RYR3: variants seen among roughly 807,000 people sequenced by gnomAD.
RYR3 encodes brain ryanodine receptor-calcium release channel.
Under a neutral mutation model 584.3 loss-of-function variants are expected in RYR3, and 207 were observed. That is an observed-to-expected ratio of 0.35 (90% CI 0.32 to 0.40). RYR3 has a LOEUF of 0.40. Among genes scored for constraint, RYR3 ranks in the 10% least tolerant of loss-of-function variants. The pLI is 1.00. For missense variants in RYR3, 5,616 were observed against 6,089.2 expected (o/e 0.92, Z 2.59); for synonymous variants, 2,416 against 2,248.5 (o/e 1.07, Z -2.11).
intron 1 of RYR3, among the ~76,000 whole-genome samples, chr15:33,421,483 A>G (rs113892155): frequency 0.01 from 1,524 of 152,260 alleles, 24 homozygotes; most frequent in African/African-American, 0.035. Flanking sequence ...CTTGGTGAGA[A>G]TCGGATGTGG....
intron 26 of RYR3, 92 bp downstream of exon 26, chr15:33,635,911 C>A: frequency 1.8e-6 from 2 of 1,118,110 alleles, no homozygotes; most frequent in South Asian, 1.4e-5. Flanking sequence ...GGATCTCTGG[C>A]TTCAAAGTGA....
Position 33,738,509 on chromosome 15 carries a change from G to T in RYR3, c.7575G>T (p.Gly2525=). 1 of 1,613,952 alleles carries T rather than the reference G, an allele frequency of 6.2e-7. No individual in the cohort carries two copies. The highest frequency in any genetic ancestry group is 8.5e-7 in the Non-Finnish European group (1 of 1,179,864). ...ATTACTGCCTGCCTTCAGGATGGGG[G>T]AGCTACGGGCTAGCTGTGGAAGAAG... ...WKYYCLPSGW[G]SYGLAVEEEL... Residue 2525 remains glycine, a synonymous_variant, in exon 50 of 104, where the codon GGG becomes GGT. Transcript: ENST00000634891.
chr15:33,749,841 GA>G, intron 55 of RYR3, 137 bp from the exon 56 acceptor site: 1 of 668,342 alleles, frequency 1.5e-6, no homozygotes, highest in Non-Finnish European at 2.6e-6. Flanking sequence ...ACTAATTAAT[GA>G]TGGGAAGCCC....
intron 85 of RYR3, among the ~76,000 whole-genome samples, chr15:33,828,972 C>A (rs531484383): frequency 5.9e-5 from 9 of 152,318 alleles, no homozygotes; most frequent in African/African-American, 2.2e-4. Flanking sequence ...GGCTGACTTT[C>A]TTATTAGGGG....
intron 43 of RYR3, among the ~76,000 whole-genome samples, chr15:33,713,235 G>GTGA: frequency 6.6e-6 from 1 of 151,990 alleles, no homozygotes; most frequent in East Asian, 1.9e-4. Flanking sequence ...ATTATGGTGG[G>GTGA]TGATGGGGTG....
At chr15:33,627,140 C>T (rs1418862995) in intron 20 of RYR3, among the ~76,000 whole-genome samples, 1 of 152,206 alleles carries the variant, frequency 6.6e-6, no homozygotes, top group East Asian at 1.9e-4. Flanking sequence ...ATGGTTAGTT[C>T]TCAGCTCCAG....
intron 1 of RYR3, among the ~76,000 whole-genome samples, chr15:33,464,982 A>G (rs895297122): frequency 5.3e-5 from 8 of 152,214 alleles, no homozygotes; most frequent in Admixed American, 3.3e-4. Context: ...GAGATCATGC[A>G]GTACTTGCCT....
At chr15:33,716,592 A>C (rs543705857) in intron 43 of RYR3, among the ~76,000 whole-genome samples, 2 of 152,182 alleles carry the variant, frequency 1.3e-5, no homozygotes, top group South Asian at 4.2e-4. Flanking sequence ...TCAAATAAAG[A>C]AGCCAATGGC....
chr15:33,615,407 T>C (rs2060399297), intron 19 of RYR3, among the ~76,000 whole-genome samples: 1 of 152,236 alleles, frequency 6.6e-6, no homozygotes, highest in African/African-American at 2.4e-5. Flanking sequence ...ATAAACTATT[T>C]AGAAATAAAG....
intron 2 of RYR3, among the ~76,000 whole-genome samples, chr15:33,487,142 G>C (rs1474768574): frequency 6.6e-6 from 1 of 151,660 alleles, no homozygotes; most frequent in Non-Finnish European, 1.5e-5. Flanking sequence ...AGGTTGCAGT[G>C]AGCTGAGATC....
Position 33,832,437 on chromosome 15 carries a change from C to T in RYR3, c.11463+1346C>T, listed in dbSNP as rs903724917. On this transcript the variant is annotated intron_variant, in intron 86 of 103. Transcript: ENST00000634891. Reference sequence around the variant, plus strand: ...TGGGAGGCCAAGGTGGGCAGATCACCTGAGGTCAGGAGTTCAAGACTAGCC... The same window carrying T: ...TGGGAGGCCAAGGTGGGCAGATCACTTGAGGTCAGGAGTTCAAGACTAGCC... 2.0e-5 allele frequency among the ~76,000 whole-genome samples: 3 copies of T among 152,080 alleles called. No homozygotes were observed. The South Asian group carries it at 6.2e-4, about 31-fold the overall frequency.
intron 2 of RYR3, among the ~76,000 whole-genome samples, chr15:33,487,388 C>T (rs1404447156): frequency 6.6e-6 from 1 of 152,028 alleles, no homozygotes; most frequent in African/African-American, 2.4e-5. Context: ...TGAAAGAAAA[C>T]AAAACAAGGG....
intron 45 of RYR3, among the ~76,000 whole-genome samples, chr15:33,725,955 G>A (rs2068376419): frequency 9.8e-6 from 1 of 102,180 alleles, no homozygotes; most frequent in Non-Finnish European, 1.8e-5. Context: ...GGGTGACAGA[G>A]CAAGACTCCA....
intron 38 of RYR3, among the ~76,000 whole-genome samples, chr15:33,691,662 T>TGAAA (rs2065445886): frequency 6.6e-6 from 1 of 152,232 alleles, no homozygotes; most frequent in Non-Finnish European, 1.5e-5. Flanking sequence ...CACTGAACTT[T>TGAAA]AATACATAGC....
chr15:33,806,430 A>T (rs1371497734), intron 69 of RYR3, among the ~76,000 whole-genome samples: 1 of 152,028 alleles, frequency 6.6e-6, no homozygotes, highest in East Asian at 1.9e-4. Context: ...AGGAGGGAGG[A>T]TCACTTGAGG....
chr15:33,820,503 C>T (rs1355541582), intron 77 of RYR3, among the ~76,000 whole-genome samples: 1 of 152,202 alleles, frequency 6.6e-6, no homozygotes, highest in Non-Finnish European at 1.5e-5. Flanking sequence ...GTTAAACCAG[C>T]TAGGTCACCA....
intron 5 of RYR3, among the ~76,000 whole-genome samples, chr15:33,538,002 T>C (rs1595497991): frequency 6.6e-6 from 1 of 152,224 alleles, no homozygotes; most frequent in South Asian, 2.1e-4. Context: ...TCTTTTTTTT[T>C]CCAGGATCAG....
rs2078623750 is a variant in RYR3, at chr15:33,844,978, G to C, written c.13413G>C (p.Gly4471=). 9 of 1,613,870 alleles carry C rather than the reference G, an allele frequency of 5.6e-6. No homozygotes were observed. Among genetic ancestry groups the C allele is most frequent in the African/African-American group, 1.3e-5 (1 of 74,916 alleles). ...MVFFVLQEST[G]YMAPTLRALA... is the part of the protein sequence containing the mutation. ...TCTTTGTCCTTCAGGAGAGCACCGG[G>C]TATATGGCACCAACCCTGCGTGCCC... is the stretch of plus-strand genomic sequence containing the variant. The change falls in exon 93 of 104, where the codon GGG becomes GGC. Residue 4471 remains glycine (G), a synonymous_variant. Coordinates refer to ENST00000634891, the MANE Select transcript of RYR3 (RefSeq NM_001036.6).
intron 38 of RYR3, among the ~76,000 whole-genome samples, chr15:33,684,971 G>A (rs1488903352): frequency 6.6e-6 from 1 of 152,174 alleles, no homozygotes; most frequent in East Asian, 1.9e-4. Context: ...GGAACAACCA[G>A]TACCAGCCAC....
Sources: gnomAD v4.1 joint callset for allele counts (sites outside exome capture counted in the v4.1 genomes callset) on GRCh38, gnomAD v4.1.1 for gene constraint, MANE v1.5 for transcripts, NCBI Gene and HGNC (gene_info 2026-07-23, HGNC 2026-07-21) for gene names.